Variants in RNF150 observed in about 807,000 individuals in gnomAD.
The protein encoded by RNF150 is ring finger protein 150.
In RNF150, 24 loss-of-function variants were observed where a neutral mutation model predicts 39.3. The ratio of observed to expected loss-of-function variants is 0.61; its 90% CI spans 0.44 to 0.86. RNF150 has a LOEUF of 0.86. Ranked by LOEUF, RNF150 falls within the 40% of genes least tolerant of loss-of-function variation. RNF150 has a pLI of 0.00. For missense variants in RNF150, 502 were observed against 587.8 expected (o/e 0.85, Z 1.51); for synonymous variants, 255 against 227.3 (o/e 1.12, Z -1.10).
At chr4:141,038,924 G>C (rs1736251652) in intron 1 of RNF150, among the ~76,000 whole-genome samples, 1 of 152,044 alleles carries the variant, frequency 6.6e-6, no homozygotes. Context: ...GAGGAGCCAG[G>C]CCTTTGGGGA....
rs368278213 is a variant in RNF150, at chr4:141,107,244, T to C, written c.484+25081A>G. 1.9e-3 allele frequency among the ~76,000 whole-genome samples: 283 copies of C among 152,388 alleles called. 5 individuals carry two copies. In the South Asian group the frequency reaches 0.038, roughly 21 times the overall value. ...TTAAAATAAGTGTGAATTCTAGTGC[T>C]ACCTATTGCTTTGCTTTATTAGCAA... is the stretch of plus-strand genomic sequence containing the variant. On this transcript the variant is annotated intron_variant, in intron 1 of 6. Coordinates refer to ENST00000515673, the MANE Select transcript of RNF150 (RefSeq NM_020724.2).
intron 1 of RNF150, among the ~76,000 whole-genome samples, chr4:141,149,645 G>A (rs1452048919): frequency 6.6e-6 from 1 of 152,086 alleles, no homozygotes. Context: ...TGATTGATGG[G>A]CATTTGGGCT....
chr4:141,071,844 C>T (rs1737718946), intron 1 of RNF150, among the ~76,000 whole-genome samples: 1 of 152,120 alleles, frequency 6.6e-6, no homozygotes, highest in South Asian at 2.1e-4. Flanking sequence ...TCCCAAAGAC[C>T]AAAAGCTATA....
chr4:140,942,239 C>T lies in RNF150; in HGVS notation c.890+5415G>A, dbSNP rs191912034. Reference sequence around the variant, plus strand: ...CCACACAGCTCCAGGATTATCTGATCTAACAGGTAACCTTGCTCAGGCAAA... The same window carrying T: ...CCACACAGCTCCAGGATTATCTGATTTAACAGGTAACCTTGCTCAGGCAAA... On this transcript the variant is annotated intron_variant, in intron 4 of 6. Transcript: ENST00000515673. Among the ~76,000 whole-genome samples, 319 of 152,324 alleles carry T rather than the reference C, an allele frequency of 2.1e-3. 1 individual carries two copies. The highest frequency in any genetic ancestry group is 2.1e-3 in the Non-Finnish European group (146 of 68,030).
At chr4:141,169,350 T>C (rs2111169874) in intron 1 of RNF150, among the ~76,000 whole-genome samples, 1 of 152,290 alleles carries the variant, frequency 6.6e-6, no homozygotes, top group African/African-American at 2.4e-5. Context: ...GCCAGCATCA[T>C]ATTTCCTGAA....
At chr4:141,101,456 G>A (rs914188143) in intron 1 of RNF150, among the ~76,000 whole-genome samples, 2 of 152,082 alleles carry the variant, frequency 1.3e-5, no homozygotes, top group Non-Finnish European at 2.9e-5. Context: ...TAACATGCAT[G>A]GAGCTGTCAT....
chr4:141,046,406 T>A (rs1204678787), intron 1 of RNF150, among the ~76,000 whole-genome samples: 2 of 152,174 alleles, frequency 1.3e-5, no homozygotes, highest in Non-Finnish European at 2.9e-5. Context: ...TTATGTAAAC[T>A]TATTACTGGA....
At chr4:140,921,886 G>C (rs1484527837) in intron 5 of RNF150, among the ~76,000 whole-genome samples, 1 of 152,018 alleles carries the variant, frequency 6.6e-6, no homozygotes, top group Non-Finnish European at 1.5e-5. Flanking sequence ...TATCTGAATA[G>C]ATGCAGAAAA....
Position 140,868,333 on chromosome 4 carries a change from G to A in RNF150, c.1245C>T (p.Ile415=), listed in dbSNP as rs761361383. ...CAGACAGTCCAACCTCCATTGCCAT[G>A]ATCAAGGAAATGTCAGAATCACTGC... The part of the protein sequence containing the change: ...AVSSDSDISL[I]MAMEVGLSDV... Residue 415 remains isoleucine (I), a synonymous_variant, in exon 7 of 7, where the codon ATC becomes ATT. Coordinates refer to ENST00000515673, the MANE Select transcript of RNF150 (RefSeq NM_020724.2). 6.2e-7 allele frequency: 1 copy of A among 1,613,572 alleles called. No homozygotes were observed. Among genetic ancestry groups the A allele is most frequent in the Non-Finnish European group, 8.5e-7 (1 of 1,179,500 alleles).
At chr4:140,883,935 G>A (rs1729469093) in intron 6 of RNF150, among the ~76,000 whole-genome samples, 1 of 151,692 alleles carries the variant, frequency 6.6e-6, no homozygotes, top group African/African-American at 2.4e-5. Flanking sequence ...TCCACCTGAT[G>A]GTACAGCATA....
intron 1 of RNF150, among the ~76,000 whole-genome samples, chr4:141,210,274 T>G (rs1227278656): frequency 6.6e-6 from 1 of 152,152 alleles, no homozygotes; most frequent in African/African-American, 2.4e-5. Context: ...TTATATTTGC[T>G]TCTCACTGGA....
At chr4:141,001,012 C>A in intron 1 of RNF150, among the ~76,000 whole-genome samples, 1 of 152,136 alleles carries the variant, frequency 6.6e-6, no homozygotes, top group East Asian at 1.9e-4. Context: ...AAGAATTAAA[C>A]AAATCAGCGT....
intron 1 of RNF150, among the ~76,000 whole-genome samples, chr4:141,046,772 T>C (rs1736592563): frequency 6.6e-6 from 1 of 152,162 alleles, no homozygotes; most frequent in African/African-American, 2.4e-5. Context: ...CCTCATACGA[T>C]CTCACAATTA....
At chr4:140,992,101 T>TA (rs1734214682) in intron 1 of RNF150, among the ~76,000 whole-genome samples, 1 of 152,212 alleles carries the variant, frequency 6.6e-6, no homozygotes, top group Admixed American at 6.5e-5. Flanking sequence ...ATATAAAACT[T>TA]TAGTATACTT....
chr4:141,181,246 A>C (rs1727904001), intron 1 of RNF150, among the ~76,000 whole-genome samples: 3 of 152,192 alleles, frequency 2.0e-5, no homozygotes, highest in Admixed American at 6.5e-5. Flanking sequence ...CTAAGAATGA[A>C]AAGAAAAAAA....
chr4:141,117,932 T>C (rs1007611008), intron 1 of RNF150, among the ~76,000 whole-genome samples: 1 of 152,244 alleles, frequency 6.6e-6, no homozygotes, highest in Non-Finnish European at 1.5e-5. Context: ...TGCCTTGGCT[T>C]ATTCAAAAAA....
At chr4:140,986,472 A>G (rs1023907274) in intron 1 of RNF150, among the ~76,000 whole-genome samples, 2 of 152,054 alleles carry the variant, frequency 1.3e-5, no homozygotes, top group African/African-American at 4.8e-5. Context: ...ATCATTGCAA[A>G]GCTCACGTTT....
In RNF150 at chr4:141,015,000, T is replaced by C. The variant is rs1024892986; in HGVS notation, c.485-47127A>G. On this transcript the variant is annotated intron_variant, in intron 1 of 6. Transcript: ENST00000515673. ...CTGTTTTTAGCTGATTTTTTTGACATGGCATAAGATAAGCGTCAATTTTCA... is the reference window on the plus strand; with the variant it reads ...CTGTTTTTAGCTGATTTTTTTGACACGGCATAAGATAAGCGTCAATTTTCA... Among the ~76,000 whole-genome samples, 4 of 152,300 alleles carry C rather than the reference T, an allele frequency of 2.6e-5. No homozygotes were observed. The East Asian group carries it at 5.8e-4, about 22-fold the overall frequency.
At chr4:141,041,387 G>C (rs1736366789) in intron 1 of RNF150, among the ~76,000 whole-genome samples, 1 of 152,106 alleles carries the variant, frequency 6.6e-6, no homozygotes, top group Non-Finnish European at 1.5e-5. Flanking sequence ...AAGGGGAAGA[G>C]AATGCCATAG....
Sources: allele counts gnomAD v4.1 joint callset (sites outside exome capture counted in the v4.1 genomes callset), GRCh38; gene constraint gnomAD v4.1.1; transcripts MANE v1.5; gene names NCBI Gene and HGNC (gene_info 2026-07-23, HGNC 2026-07-21).